DRC8: variants seen among roughly 807,000 people sequenced by gnomAD.
DRC8 encodes dynein regulatory complex subunit 8, also known as dynein regulatory complex protein 8.
the DRC8 span, among the ~76,000 whole-genome samples, chr1:245,094,545 T>C: frequency 1.3e-5 from 2 of 152,176 alleles, no homozygotes; most frequent in Non-Finnish European, 2.9e-5. Flanking sequence ...CATGCATTTC[T>C]GCTGTATGGA....
At chr1:245,109,289 G>A in the DRC8 span, among the ~76,000 whole-genome samples, 2 of 152,306 alleles carry the variant, frequency 1.3e-5, no homozygotes, top group Non-Finnish European at 1.5e-5. Flanking sequence ...GGCAGTAGAA[G>A]TCAAGCCAGC....
the DRC8 span, among the ~76,000 whole-genome samples, chr1:245,037,853 G>C: frequency 6.6e-6 from 1 of 151,964 alleles, no homozygotes; most frequent in Non-Finnish European, 1.5e-5. Flanking sequence ...ACAATGCCCA[G>C]TTGGATGATA....
At chr1:245,036,571 C>A in the DRC8 span, among the ~76,000 whole-genome samples, 1 of 151,882 alleles carries the variant, frequency 6.6e-6, no homozygotes, top group Admixed American at 6.6e-5. Context: ...TTTATACTAG[C>A]CAAAAAATAG....
chr1:244,976,309 T>G, the DRC8 span, among the ~76,000 whole-genome samples: 336 of 23,032 alleles, frequency 0.015, 1 homozygote, highest in African/African-American at 0.021. Flanking sequence ...TAAGAAAACT[T>G]TTAAGTCTTA....
the DRC8 span, among the ~76,000 whole-genome samples, chr1:245,023,714 G>A: frequency 2.6e-5 from 4 of 152,118 alleles, no homozygotes; most frequent in Admixed American, 6.5e-5. Context: ...CTTCTTTGGA[G>A]AAGTGTCTAG....
chr1:244,970,518 TG>T, the DRC8 span: 6 of 1,498,250 alleles, frequency 4.0e-6, no homozygotes, highest in Non-Finnish European at 5.3e-6. Flanking sequence ...AAGCGCCGGG[TG>T]GGGTGGGCCC....
the DRC8 span, among the ~76,000 whole-genome samples, chr1:245,042,849 C>G: frequency 1.1e-4 from 16 of 152,096 alleles, no homozygotes; most frequent in Admixed American, 9.8e-4. Context: ...CACTGGCTCC[C>G]CCTTGTGTCA....
At chr1:245,001,815 AT>A in the DRC8 span, among the ~76,000 whole-genome samples, 5 of 151,790 alleles carry the variant, frequency 3.3e-5, no homozygotes. Flanking sequence ...AGTTTTCTAA[AT>A]TTTTTTTCTC....
the DRC8 span, among the ~76,000 whole-genome samples, chr1:245,090,267 C>T: frequency 2.0e-5 from 3 of 152,216 alleles, no homozygotes; most frequent in African/African-American, 7.2e-5. Context: ...GGTGAGAGGG[C>T]TCGGGGCCCT....
the DRC8 span, chr1:245,083,488 T>C: frequency 1.2e-6 from 2 of 1,613,330 alleles, no homozygotes; most frequent in Non-Finnish European, 8.5e-7. Flanking sequence ...TTTTGAGGTA[T>C]GTAAACTCCA....
chr1:245,051,353 T>C, the DRC8 span, among the ~76,000 whole-genome samples: 24 of 152,224 alleles, frequency 1.6e-4, no homozygotes, highest in African/African-American at 5.5e-4. Context: ...ATCGTGCCAC[T>C]TCTCCAGCCT....
the DRC8 span, among the ~76,000 whole-genome samples, chr1:245,076,946 C>T: frequency 2.6e-5 from 4 of 151,988 alleles, no homozygotes; most frequent in South Asian, 2.1e-4. Flanking sequence ...AGGATGGTCT[C>T]GATCTCCTGA....
At chr1:245,010,980 C>T in the DRC8 span, among the ~76,000 whole-genome samples, 2 of 152,080 alleles carry the variant, frequency 1.3e-5, no homozygotes, top group Non-Finnish European at 2.9e-5. Context: ...CGCGCCCAGC[C>T]TTGAGTATCC....
the DRC8 span, among the ~76,000 whole-genome samples, chr1:245,099,782 C>G: frequency 6.6e-6 from 1 of 151,930 alleles, no homozygotes; most frequent in Non-Finnish European, 1.5e-5. Context: ...CTCCATAAAT[C>G]ATCCTGCCAG....
chr1:245,038,001 C>G, the DRC8 span, among the ~76,000 whole-genome samples: 1 of 151,854 alleles, frequency 6.6e-6, no homozygotes, highest in Non-Finnish European at 1.5e-5. Flanking sequence ...ATAGACATAC[C>G]ATGTTGTTGG....
the DRC8 span, among the ~76,000 whole-genome samples, chr1:245,120,925 T>C: frequency 5.9e-5 from 9 of 152,262 alleles, no homozygotes; most frequent in African/African-American, 2.2e-4. Context: ...CCTGGCCTTT[T>C]ACAAAGACCG....
At chr1:244,982,167 G>A in the DRC8 span, among the ~76,000 whole-genome samples, 44 of 152,264 alleles carry the variant, frequency 2.9e-4, no homozygotes, top group Middle Eastern at 3.4e-3. Flanking sequence ...ATTAAACACA[G>A]CCCTACTCCT....
the DRC8 span, among the ~76,000 whole-genome samples, chr1:244,995,560 T>C: frequency 1.3e-5 from 2 of 152,096 alleles, no homozygotes; most frequent in African/African-American, 4.8e-5. Flanking sequence ...GGTCTCTCTG[T>C]GTTGCTCAGG....
At chr1:245,008,668 C>T in the DRC8 span, among the ~76,000 whole-genome samples, 3 of 121,754 alleles carry the variant, frequency 2.5e-5, no homozygotes, top group African/African-American at 9.4e-5. Flanking sequence ...CATGTTCTCA[C>T]ACTTTTTTTT....
Sources: gnomAD v4.1 joint callset for allele counts (sites outside exome capture counted in the v4.1 genomes callset) on GRCh38, gnomAD v4.1.1 for gene constraint, MANE v1.5 for transcripts, NCBI Gene and HGNC (gene_info 2026-07-23, HGNC 2026-07-21) for gene names.